The following EXOC6B variants were observed in gnomAD, a reference collection of about 807,000 sequenced individuals.
The protein encoded by EXOC6B is exocyst complex component 6B, also known as SEC15 homolog B.
A neutral mutation model predicts 113.5 loss-of-function variants in EXOC6B; 54 were observed. The observed-to-expected ratio is 0.48, with a 90% CI of 0.38 to 0.60. EXOC6B has a LOEUF of 0.60. Ranked by LOEUF, EXOC6B falls within the 20% of genes least tolerant of loss-of-function variation. EXOC6B has a pLI of 0.00. For synonymous variants in EXOC6B, 357 were observed against 339.0 expected (o/e 1.05, Z -0.58); for missense variants, 797 against 977.5 (o/e 0.82, Z 2.46).
intron 6 of EXOC6B, among the ~76,000 whole-genome samples, chr2:72,696,353 T>C (rs1677880537): frequency 6.6e-6 from 1 of 152,162 alleles, no homozygotes; most frequent in African/African-American, 2.4e-5. Flanking sequence ...CACATGTAAA[T>C]GACAAGAAAA....
At chr2:72,461,136 T>C (rs534867869) in intron 18 of EXOC6B, among the ~76,000 whole-genome samples, 1 of 145,494 alleles carries the variant, frequency 6.9e-6, no homozygotes, top group African/African-American at 2.5e-5. Context: ...CATGTTCTCA[T>C]TCATAGGTGG....
At chr2:72,601,429 C>T (rs923364622) in intron 6 of EXOC6B, among the ~76,000 whole-genome samples, 2 of 152,146 alleles carry the variant, frequency 1.3e-5, no homozygotes, top group Non-Finnish European at 2.9e-5. Flanking sequence ...TCGTGATCCA[C>T]CTGCCTTGGC....
chr2:72,703,963 G>C (rs1014521394), intron 6 of EXOC6B, among the ~76,000 whole-genome samples: 2 of 152,056 alleles, frequency 1.3e-5, no homozygotes, highest in East Asian at 3.9e-4. Flanking sequence ...ACACTATGTT[G>C]AAACCAAGCG....
At chr2:72,295,705 A>T (rs1001839138) in intron 20 of EXOC6B, among the ~76,000 whole-genome samples, 1 of 152,174 alleles carries the variant, frequency 6.6e-6, no homozygotes. Context: ...TGTATGATTG[A>T]AGGTTTGCAA....
intron 17 of EXOC6B, among the ~76,000 whole-genome samples, chr2:72,469,171 G>C (rs1020938092): frequency 5.3e-5 from 8 of 152,034 alleles, no homozygotes; most frequent in African/African-American, 1.9e-4. Flanking sequence ...AATGCATAAT[G>C]TCACTAATTC....
chr2:72,588,947 C>A (rs1430333686), intron 6 of EXOC6B, among the ~76,000 whole-genome samples: 3 of 151,948 alleles, frequency 2.0e-5, no homozygotes, highest in Non-Finnish European at 2.9e-5. Context: ...TATACGCACT[C>A]ACACCAACAT....
chr2:72,292,275 T>A (rs1337183046), intron 20 of EXOC6B, among the ~76,000 whole-genome samples: 1 of 151,592 alleles, frequency 6.6e-6, no homozygotes, highest in South Asian at 2.1e-4. Flanking sequence ...CTGGTCTATA[T>A]CAATCCATAA....
At chr2:72,427,378 G>A (rs1436633196) in intron 18 of EXOC6B, among the ~76,000 whole-genome samples, 2 of 152,130 alleles carry the variant, frequency 1.3e-5, no homozygotes, top group Admixed American at 6.5e-5. Context: ...CACCCTCAGG[G>A]GCCCAGGAAG....
chr2:72,420,792 G>A (rs1573080959), intron 18 of EXOC6B, among the ~76,000 whole-genome samples: 1 of 152,116 alleles, frequency 6.6e-6, no homozygotes, highest in East Asian at 1.9e-4. Context: ...TCTAGTTCTA[G>A]ATCCTTGAGG....
chr2:72,210,981 T>C (rs898053979), intron 20 of EXOC6B, among the ~76,000 whole-genome samples: 2 of 152,220 alleles, frequency 1.3e-5, no homozygotes, highest in Non-Finnish European at 2.9e-5. Context: ...GAGTTAAATG[T>C]TATCTGTAGA....
rs375309964 is a variant in EXOC6B, at chr2:72,262,742, CT to C, written c.2196+72204del. On this transcript the variant is annotated intron_variant, in intron 20 of 21. Transcript: ENST00000272427. Reference sequence around the variant, plus strand: ...GATTTGGCTTAGGAGCTTTCATTGTCTATCTTTCCCACCTCCCACAAGTTTT... The same window carrying C: ...GATTTGGCTTAGGAGCTTTCATTGTCATCTTTCCCACCTCCCACAAGTTTT... Among the ~76,000 whole-genome samples, 189 of 152,276 alleles carry C rather than the reference CT, an allele frequency of 1.2e-3. 1 individual carries two copies. Among genetic ancestry groups the C allele is most frequent in the Middle Eastern group, 6.8e-3 (2 of 294 alleles).
intron 20 of EXOC6B, among the ~76,000 whole-genome samples, chr2:72,244,055 C>T (rs992846076): frequency 2.0e-5 from 3 of 152,118 alleles, no homozygotes; most frequent in African/African-American, 7.2e-5. Context: ...ATCAAATAGA[C>T]CAAATTGGCA....
chr2:72,529,748 C>A (rs757191372), intron 8 of EXOC6B, among the ~76,000 whole-genome samples: 11 of 152,150 alleles, frequency 7.2e-5, no homozygotes, highest in African/African-American at 2.7e-4. Flanking sequence ...TAGTTGTGAG[C>A]CACTGTGCCC....
intron 8 of EXOC6B, among the ~76,000 whole-genome samples, chr2:72,540,734 A>G (rs990290621): frequency 2.6e-5 from 4 of 152,222 alleles, no homozygotes; most frequent in Non-Finnish European, 4.4e-5. Context: ...ATTACCCGTT[A>G]GGTAAATAAA....
At chr2:72,335,133 C>T in intron 19 of EXOC6B, 113 bp from the exon 20 acceptor site, 1 of 899,340 alleles carries the variant, frequency 1.1e-6, no homozygotes, top group Non-Finnish European at 1.8e-6. Flanking sequence ...GACCAAGCTT[C>T]TAAGGAGTCA....
intron 5 of EXOC6B, among the ~76,000 whole-genome samples, chr2:72,728,367 AAAC>A (rs546456286): frequency 7.4e-4 from 112 of 152,274 alleles, no homozygotes; most frequent in African/African-American, 2.6e-3. Flanking sequence ...AACATCTAAA[AAAC>A]AACACTCTCA....
intron 19 of EXOC6B, among the ~76,000 whole-genome samples, chr2:72,345,706 G>C (rs1406463311): frequency 6.6e-6 from 1 of 152,020 alleles, no homozygotes; most frequent in East Asian, 1.9e-4. Flanking sequence ...CAAAACAGAT[G>C]ATTTTTTAGG....
intron 6 of EXOC6B, among the ~76,000 whole-genome samples, chr2:72,614,037 G>T (rs867166561): frequency 1.3e-5 from 2 of 152,278 alleles, no homozygotes; most frequent in African/African-American, 4.8e-5. Flanking sequence ...CAAAAGCACA[G>T]TTGGATAGTG....
At chr2:72,406,781 A>T (rs979860250) in intron 18 of EXOC6B, among the ~76,000 whole-genome samples, 1 of 152,238 alleles carries the variant, frequency 6.6e-6, no homozygotes, top group African/African-American at 2.4e-5. Flanking sequence ...CCCTAACATC[A>T]CAATTAAAAG....
Sources: allele counts gnomAD v4.1 joint callset (sites outside exome capture counted in the v4.1 genomes callset), GRCh38; gene constraint gnomAD v4.1.1; transcripts MANE v1.5; gene names NCBI Gene and HGNC (gene_info 2026-07-23, HGNC 2026-07-21).